The following POLA1 variants were observed in gnomAD, a reference collection of about 807,000 sequenced individuals.
POLA1 encodes DNA polymerase alpha catalytic subunit.
In POLA1, 15 loss-of-function variants were observed where a neutral mutation model predicts 124.0. The ratio of observed to expected loss-of-function variants is 0.12; its 90% CI spans 0.08 to 0.19. POLA1 has a LOEUF of 0.19. POLA1 is among the 10% of genes least tolerant of loss of function. POLA1 has a pLI of 1.00. For synonymous variants in POLA1, 408 were observed against 389.4 expected, an observed-to-expected ratio of 1.05 and a Z score of -0.56; for missense variants, 886 against 1,103.4, an observed-to-expected ratio of 0.80 and a Z score of 2.79.
At chrX:24,986,164 C>G (rs745929132) in intron 36 of POLA1, among the ~76,000 whole-genome samples, 8 of 108,286 alleles carry the variant, frequency 7.4e-5, no homozygotes, top group African/African-American at 2.8e-4. Context: ...AAGAGCGAAA[C>G]TCCATCTCAA....
At chrX:24,916,732 G>A (rs112874125) in intron 35 of POLA1, among the ~76,000 whole-genome samples, 11 of 112,101 alleles carry the variant, frequency 9.8e-5, no homozygotes, top group Middle Eastern at 4.6e-3. Context: ...TTTTTGAGTT[G>A]CAAAAGCTTA....
intron 26 of POLA1, among the ~76,000 whole-genome samples, chrX:24,784,123 G>A (rs1052677630): frequency 5.3e-5 from 5 of 94,221 alleles, no homozygotes; most frequent in Non-Finnish European, 1.0e-4. Context: ...CACAGTCTCA[G>A]CTCACTGCAG....
chrX:24,949,956 A>G (rs1348208135), intron 36 of POLA1, among the ~76,000 whole-genome samples: 1 of 108,582 alleles, frequency 9.2e-6, no homozygotes, highest in Admixed American at 9.8e-5. Flanking sequence ...CTGGTCTCCA[A>G]CTCCTGACCT....
At position 24,974,629 on chromosome X, in the gene POLA1, A is replaced by T. The variant is rs187888342; in HGVS notation, c.4262-21176A>T. ...GAGAACACATGGTCACAGGAATGGGAACATCACACACCGGGGCATGTTGGG... is the reference window on the plus strand; with the variant it reads ...GAGAACACATGGTCACAGGAATGGGTACATCACACACCGGGGCATGTTGGG... On this transcript the variant is annotated intron_variant, in intron 36 of 36. Transcript: ENST00000379068. Among the ~76,000 whole-genome samples the T allele has an allele frequency of 1.6e-4, 17 of 104,083 alleles. No individual in the cohort carries two copies. In the East Asian group the frequency reaches 4.8e-3, roughly 30 times the overall value. 90.4% of individuals were successfully genotyped at this position (104,083 alleles called of 115,157 possible).
At chrX:24,890,088 ATT>A (rs72081141) in intron 35 of POLA1, among the ~76,000 whole-genome samples, 122 of 77,736 alleles carry the variant, frequency 1.6e-3, no homozygotes, top group Middle Eastern at 6.3e-3. Context: ...TTTCAGTACG[ATT>A]TTTTTTTTTT....
chrX:24,995,013 G>A (rs777595388), intron 36 of POLA1, among the ~76,000 whole-genome samples: 30 of 108,366 alleles, frequency 2.8e-4, no homozygotes, highest in Middle Eastern at 4.8e-3. Context: ...CCGAGATCGC[G>A]CCACTGCACT....
At chrX:24,843,366 G>A (rs1004995359) in intron 33 of POLA1, among the ~76,000 whole-genome samples, 180 bp from the exon 34 acceptor site, 1 of 112,072 alleles carries the variant, frequency 8.9e-6, no homozygotes, top group Non-Finnish European at 1.9e-5. Flanking sequence ...GCAAGGAATG[G>A]AAGGTATGTA....
rs181653877 is a variant in POLA1 at position 24,772,219 on chromosome X, A to G, written c.2964+23227A>G. The stretch of plus-strand genomic sequence containing the variant: ...ACAATTATAAATAAATAGTGCTGCA[A>G]TAAACATCTTCTACATGAATCCTGG... On this transcript the variant is annotated intron_variant, in intron 26 of 36. Transcript: ENST00000379068. 1.5e-3 allele frequency among the ~76,000 whole-genome samples: 163 copies of G among 111,840 alleles called. 1 individual carries two copies. Among genetic ancestry groups the G allele is most frequent in the Admixed American group, 1.8e-3 (19 of 10,562 alleles).
rs547265949 is a variant in POLA1, at chrX:24,979,622, G to A, written c.4262-16183G>A. On this transcript the variant is annotated intron_variant, in intron 36 of 36. Coordinates refer to ENST00000379068, the MANE Select transcript of POLA1 (RefSeq NM_001330360.2). Reference sequence around the variant, plus strand: ...CCAGGCAATTACACTTATATTAAGGGTTCTACTGTCCACTTTCTCCTCATC... The same window carrying A: ...CCAGGCAATTACACTTATATTAAGGATTCTACTGTCCACTTTCTCCTCATC... Among the ~76,000 whole-genome samples the A allele has an allele frequency of 5.3e-5, 6 of 112,180 alleles. No homozygotes were observed. The South Asian group carries it at 2.2e-3, about 42-fold the overall frequency.
intron 12 of POLA1, among the ~76,000 whole-genome samples, chrX:24,724,974 A>G (rs890581183): frequency 4.5e-5 from 5 of 111,377 alleles, no homozygotes; most frequent in Admixed American, 1.9e-4. Flanking sequence ...ACTGGCTATT[A>G]ATAATGATCG....
intron 34 of POLA1, among the ~76,000 whole-genome samples, chrX:24,861,960 C>T (rs2046721712): frequency 2.7e-5 from 3 of 111,709 alleles, no homozygotes; most frequent in African/African-American, 6.5e-5. Context: ...TTTGATAATG[C>T]TGGCTATATG....
chrX:24,788,160 A>G (rs866082410), intron 26 of POLA1, among the ~76,000 whole-genome samples: 2 of 111,838 alleles, frequency 1.8e-5, no homozygotes, highest in Middle Eastern at 4.6e-3. Flanking sequence ...ACAAAATTCA[A>G]TATCCTTTCA....
chrX:24,782,269 T>C (rs2045281058), intron 26 of POLA1, among the ~76,000 whole-genome samples: 1 of 112,217 alleles, frequency 8.9e-6, no homozygotes, highest in African/African-American at 3.2e-5. Flanking sequence ...ACAAAGGGAC[T>C]TGGATAGATA....
chrX:24,938,937 A>G (rs968785194), intron 36 of POLA1, among the ~76,000 whole-genome samples: 5 of 112,604 alleles, frequency 4.4e-5, no homozygotes, highest in Non-Finnish European at 7.5e-5. Context: ...GAAAGTTGCC[A>G]TATTTTGGAG....
Position 24,973,296 on chromosome X carries a change from C to T in POLA1, c.4262-22509C>T, listed in dbSNP as rs11573514. Among the ~76,000 whole-genome samples, 183 of 110,206 alleles carry T rather than the reference C, an allele frequency of 1.7e-3. 1 individual carries two copies. Among genetic ancestry groups the T allele is most frequent in the Non-Finnish European group, 3.0e-3 (158 of 52,759 alleles). On this transcript the variant is annotated intron_variant, in intron 36 of 36. Transcript: ENST00000379068. ...GAATCTTGAACTTGAACCCAGGAGG[C>T]GGGGTTTGCAGTGAGCTGAGATAGC...
chrX:24,719,026 TGTG>T (rs1930032366), intron 10 of POLA1, among the ~76,000 whole-genome samples: 2 of 112,124 alleles, frequency 1.8e-5, no homozygotes, highest in Non-Finnish European at 3.8e-5. Flanking sequence ...ATTGTGGGAC[TGTG>T]CATTGCAAGA....
At chrX:24,876,678 G>C (rs1299297001) in intron 34 of POLA1, among the ~76,000 whole-genome samples, 1 of 102,841 alleles carries the variant, frequency 9.7e-6, no homozygotes, top group African/African-American at 3.9e-5. Flanking sequence ...ATTTGTCTGG[G>C]GTCGGGGGGG....
At chrX:24,805,864 G>A (rs1413483776) in intron 26 of POLA1, among the ~76,000 whole-genome samples, 1 of 109,993 alleles carries the variant, frequency 9.1e-6, no homozygotes, top group African/African-American at 3.3e-5. Context: ...AGAATGGGCA[G>A]CTTTAATATT....
chrX:24,920,998 G>T (rs368232832), intron 35 of POLA1, among the ~76,000 whole-genome samples: 2 of 111,784 alleles, frequency 1.8e-5, no homozygotes, highest in Admixed American at 1.9e-4. Flanking sequence ...TTCTAGTTTT[G>T]ACTCTACCAG....
Sources: gnomAD v4.1 joint callset for allele counts (sites outside exome capture counted in the v4.1 genomes callset) on GRCh38, gnomAD v4.1.1 for gene constraint, MANE v1.5 for transcripts, NCBI Gene and HGNC (gene_info 2026-07-23, HGNC 2026-07-21) for gene names.